Variants in GPR83 observed in about 807,000 individuals in gnomAD.
The protein encoded by GPR83 is G protein-coupled receptor 83.
GPR83 carries 23 observed loss-of-function variants against 28.0 expected under a neutral mutation model. The observed-to-expected ratio is 0.82, with a 90% CI of 0.59 to 1.16. The LOEUF (loss-of-function observed/expected upper bound fraction) is 1.16, where lower values mean the gene tolerates loss of function less well. Among genes scored for constraint, GPR83 ranks in the 50% most tolerant of loss-of-function variants. The pLI is 0.00. For synonymous variants in GPR83, 234 were observed against 215.4 expected (o/e 1.09, Z -0.76); for missense variants, 610 against 536.6 (o/e 1.14, Z -1.35).
At chr11:94,395,664 C>G (rs1944858919) in intron 2 of GPR83, among the ~76,000 whole-genome samples, 1 of 152,208 alleles carries the variant, frequency 6.6e-6, no homozygotes, top group African/African-American at 2.4e-5. Flanking sequence ...TGGTCAGTTC[C>G]TTTCACCATA....
chr11:94,391,416 A>C (rs761806901), intron 3 of GPR83, among the ~76,000 whole-genome samples: 2 of 152,226 alleles, frequency 1.3e-5, no homozygotes, highest in East Asian at 3.8e-4. Flanking sequence ...ATGGGCAAAG[A>C]CTTCATGTCT....
chr11:94,382,211 G>T (rs1272133387), intron 3 of GPR83, among the ~76,000 whole-genome samples: 1 of 152,014 alleles, frequency 6.6e-6, no homozygotes, highest in Non-Finnish European at 1.5e-5. Flanking sequence ...AATTAGCTGG[G>T]CATGGTGGCA....
At chr11:94,396,291 C>T in intron 2 of GPR83, 108 bp downstream of exon 2, 1 of 988,980 alleles carries the variant, frequency 1.0e-6, no homozygotes, top group Non-Finnish European at 1.6e-6. Context: ...AGAAGAGAAA[C>T]ACACTCATTG....
Position 94,396,333 on chromosome 11 carries a change from C to T in GPR83, c.513+66G>A, listed in dbSNP as rs1944865969. 1.0e-5 allele frequency: 16 copies of T among 1,529,888 alleles called. 1 individual carries two copies. The highest frequency in any genetic ancestry group is 1.3e-5 in the Non-Finnish European group (14 of 1,108,148). The allele number at this position is 1,529,888 out of a possible 1,614,324, so 94.8% of individuals were successfully genotyped here. A position where few individuals can be genotyped will look rare whatever the true frequency, so the allele number is the denominator to read the frequency against. The stretch of plus-strand genomic sequence containing the variant: ...GGGCTAAAACACTGTCTTCAGAGCC[C>T]CTGCAACTTCCAGGAAAGGGAAGCA... On this transcript the variant is annotated intron_variant, in intron 2 of 3. Coordinates refer to ENST00000243673, the MANE Select transcript of GPR83 (RefSeq NM_016540.4).
chr11:94,392,758 G>A (rs1401933650), intron 3 of GPR83, among the ~76,000 whole-genome samples: 8 of 151,930 alleles, frequency 5.3e-5, no homozygotes, highest in Non-Finnish European at 8.8e-5. Context: ...CCCAGGTGGC[G>A]GAGGTTACAG....
At chr11:94,384,861 C>A (rs1042416120) in intron 3 of GPR83, among the ~76,000 whole-genome samples, 1 of 152,176 alleles carries the variant, frequency 6.6e-6, no homozygotes, top group African/African-American at 2.4e-5. Context: ...GTGGTTCTCC[C>A]AGCATGCAGC....
chr11:94,387,195 T>C (rs184416032), intron 3 of GPR83, among the ~76,000 whole-genome samples: 1 of 152,304 alleles, frequency 6.6e-6, no homozygotes, highest in Non-Finnish European at 1.5e-5. Flanking sequence ...GGGGGAAATT[T>C]ATAGCACTAA....
chr11:94,391,400 G>A (rs58325808), intron 3 of GPR83, among the ~76,000 whole-genome samples: 10,817 of 152,130 alleles, frequency 0.071, 495 homozygotes, highest in Admixed American at 0.13. Flanking sequence ...CATTCAGGAC[G>A]TAGGCATGGG....
intron 3 of GPR83, among the ~76,000 whole-genome samples, chr11:94,385,909 A>G (rs1008162499): frequency 7.9e-5 from 12 of 152,220 alleles, no homozygotes; most frequent in African/African-American, 2.9e-4. Flanking sequence ...GATTCACTGA[A>G]GTTGAAACGA....
chr11:94,395,310 C>T (rs960532856), intron 2 of GPR83, among the ~76,000 whole-genome samples: 1 of 152,212 alleles, frequency 6.6e-6, no homozygotes, highest in Admixed American at 6.5e-5. Flanking sequence ...GAATCTGCAT[C>T]TTTGAAGCCT....
intron 1 of GPR83, among the ~76,000 whole-genome samples, chr11:94,398,789 G>T (rs1944887945): frequency 1.3e-5 from 2 of 152,196 alleles, no homozygotes; most frequent in Admixed American, 1.3e-4. Context: ...CCTGTGCTGA[G>T]TAAGGCCAAG....
In GPR83 at chr11:94,377,901, C is replaced by T. The variant is rs1226940820; in HGVS notation, c.*2248G>A. 1 of 152,180 alleles carries T rather than the reference C, an allele frequency of 6.6e-6. No individual in the cohort carries two copies. The highest frequency in any genetic ancestry group is 2.4e-5 in the African/African-American group (1 of 41,432). 9.4% of individuals were successfully genotyped at this position (152,180 alleles called of 1,614,324 possible). On this transcript the variant is annotated 3_prime_UTR_variant, in exon 4 of 4. Coordinates refer to ENST00000243673, the MANE Select transcript of GPR83 (RefSeq NM_016540.4). ...CAAGGAGCTTCTGTATTCCTAGACA[C>T]CCTCAGAGAGGAGTGAAGTACAACA...
chr11:94,395,771 A>G (rs1220379658), intron 2 of GPR83, among the ~76,000 whole-genome samples: 3 of 152,210 alleles, frequency 2.0e-5, no homozygotes, highest in Non-Finnish European at 4.4e-5. Context: ...TGCCACCTGG[A>G]CATCCTGGCT....
In GPR83 at chr11:94,380,385, A is replaced by C; in HGVS notation, c.1036T>G (p.Cys346Gly). 6.2e-7 allele frequency: 1 copy of C among 1,614,158 alleles called. No homozygotes were observed. Among genetic ancestry groups the C allele is most frequent in the East Asian group, 2.2e-5 (1 of 44,874 alleles). ...SSTCYNPFIY[C>G]WLNENFRIEL... is the part of the protein sequence containing the mutation. ...ATCCTGAAGTTCTCGTTCAGCCAGCAGTATATGAAGGGGTTATAGCAGGTG... is the reference window on the plus strand; with the variant it reads ...ATCCTGAAGTTCTCGTTCAGCCAGCCGTATATGAAGGGGTTATAGCAGGTG... The change falls in exon 4 of 4, where the codon TGC becomes GGC. Residue 346 changes from cysteine (C) to glycine (G), a missense_variant. Physicochemically the swap from Cys to Gly is radical, Grantham distance 159. Coordinates refer to ENST00000243673, the MANE Select transcript of GPR83 (RefSeq NM_016540.4).
chr11:94,384,916 C>A (rs769346066), intron 3 of GPR83, among the ~76,000 whole-genome samples: 2 of 152,196 alleles, frequency 1.3e-5, no homozygotes, highest in African/African-American at 2.4e-5. Flanking sequence ...GGGTCCTTGA[C>A]CCCCGAGTAG....
At position 94,401,094 on chromosome 11, in the gene GPR83, A is replaced by T; in HGVS notation, c.154T>A (p.Trp52Arg). The change falls in exon 1 of 4, where the codon TGG becomes AGG. Residue 52 changes from tryptophan to arginine, a missense_variant. By Grantham distance (101) the Trp-to-Arg change is moderately radical. Coordinates refer to ENST00000243673, the MANE Select transcript of GPR83 (RefSeq NM_016540.4). The stretch of plus-strand genomic sequence containing the variant: ...CGCCTCCTGCCCACAAAGTTCTGCC[A>T]GTCGGAGAAGGTGTAGTTGTTCCAA... Reference protein sequence around the residue: ...FSWNNYTFSDWQNFVGRRRYG... With the variant: ...FSWNNYTFSDRQNFVGRRRYG... 1 of 1,614,248 alleles carries T rather than the reference A, an allele frequency of 6.2e-7. No individual in the cohort carries two copies. The highest frequency in any genetic ancestry group is 8.5e-7 in the Non-Finnish European group (1 of 1,180,032).
Position 94,388,675 on chromosome 11 carries a change from G to C in GPR83, c.647+4810C>G, listed in dbSNP as rs534778508. On this transcript the variant is annotated intron_variant, in intron 3 of 3. Transcript: ENST00000243673. Reference sequence around the variant, plus strand: ...ACCACTGCTCAAGGAAATAAAAGAGGATACAAACAAATGGAAGAATATTCC... The same window carrying C: ...ACCACTGCTCAAGGAAATAAAAGAGCATACAAACAAATGGAAGAATATTCC... 3.5e-3 allele frequency among the ~76,000 whole-genome samples: 534 copies of C among 152,236 alleles called. 5 individuals carry two copies. The highest frequency in any genetic ancestry group is 0.012 in the African/African-American group (511 of 41,540).
In GPR83 at chr11:94,383,425, AC is replaced by A. The variant is rs540294624; in HGVS notation, c.648-2653del. ...ACACCTTAACATCAAAATTAAAAGA[AC>A]TCAAGAAGCAACAGCAAACAAATTC... On this transcript the variant is annotated intron_variant, in intron 3 of 3. Transcript: ENST00000243673. Among the ~76,000 whole-genome samples, 216 of 152,284 alleles carry A rather than the reference AC, an allele frequency of 1.4e-3. 1 individual carries two copies. Among genetic ancestry groups the A allele is most frequent in the Non-Finnish European group, 2.1e-3 (140 of 68,020 alleles).
Position 94,401,264 on chromosome 11 carries a change from C to T in GPR83, c.-17G>A. ...AGGGACCATTTTGCAGGAGCCACCC[C>T]TCCCCTGGGAGCCTGCGGGCCGGGC... On this transcript the variant is annotated 5_prime_UTR_variant, in exon 1 of 4. Coordinates refer to ENST00000243673, the MANE Select transcript of GPR83 (RefSeq NM_016540.4). 1 of 1,574,488 alleles carries T rather than the reference C, an allele frequency of 6.4e-7. No individual in the cohort carries two copies. The highest frequency in any genetic ancestry group is 8.6e-7 in the Non-Finnish European group (1 of 1,164,376).
Sources: allele counts gnomAD v4.1 joint callset (sites outside exome capture counted in the v4.1 genomes callset), GRCh38; gene constraint gnomAD v4.1.1; transcripts MANE v1.5; gene names NCBI Gene and HGNC (gene_info 2026-07-23, HGNC 2026-07-21).